Variants in NLRP5 observed in about 807,000 individuals in gnomAD.
NLRP5 encodes NACHT, LRR and PYD domains-containing protein 5.
NLRP5 carries 93 observed loss-of-function variants against 113.1 expected under a neutral mutation model. That is an observed-to-expected ratio of 0.82 (90% CI 0.70 to 0.98). The LOEUF is 0.98. Among genes scored for constraint, NLRP5 ranks in the 50% least tolerant of loss-of-function variants. The probability of loss-of-function intolerance (pLI) is 0.00; values close to 1 mark genes in which losing one functional copy is unlikely to be tolerated. For missense variants in NLRP5, 1,808 were observed against 1,514.3 expected (o/e 1.19, Z -3.22); for synonymous variants, 751 against 600.7 (o/e 1.25, Z -3.66).
chr19:56,031,366 C>T (rs556870191), intron 7 of NLRP5, among the ~76,000 whole-genome samples: 1 of 152,212 alleles, frequency 6.6e-6, no homozygotes, highest in South Asian at 2.1e-4. Flanking sequence ...TGGTGGCTCA[C>T]GCCTGTCATC....
upstream of NLRP5, among the ~76,000 whole-genome samples, chr19:55,998,682 A>ATATATATATATATATATGTGTGTG (rs1981435471): frequency 4.8e-5 from 4 of 83,656 alleles, no homozygotes; most frequent in African/African-American, 2.5e-4. Context: ...GTATATATAT[A>ATATATATATATATATATGTGTGTG]TATATATATA....
intron 3 of NLRP5, among the ~76,000 whole-genome samples, chr19:56,012,471 T>C (rs1344388106): frequency 1.4e-5 from 2 of 142,540 alleles, no homozygotes; most frequent in Admixed American, 7.2e-5. Flanking sequence ...TTTTTCCGGA[T>C]AACTCGATGC....
chr19:56,049,806 A>T (rs1044725170), intron 11 of NLRP5, among the ~76,000 whole-genome samples: 2 of 152,024 alleles, frequency 1.3e-5, no homozygotes, highest in African/African-American at 4.8e-5. Context: ...TCCCTCTCTG[A>T]TTAGCTTAAT....
chr19:56,013,595 G>GTTTTTTTTTTTTTTTTT (rs1418924718), intron 3 of NLRP5, among the ~76,000 whole-genome samples: 19 of 30,986 alleles, frequency 6.1e-4, no homozygotes, highest in Non-Finnish European at 9.7e-4. Context: ...TGGACATTTG[G>GTTTTTTTTTTTTTTTTT]GTTTTTTTTT....
chr19:56,020,150 C>T (rs1982561983), intron 5 of NLRP5, among the ~76,000 whole-genome samples: 1 of 151,886 alleles, frequency 6.6e-6, no homozygotes, highest in Non-Finnish European at 1.5e-5. Flanking sequence ...ATTTTAATAA[C>T]TTGTGCAAGT....
chr19:56,026,746 AT>A (rs1399693059), intron 6 of NLRP5, among the ~76,000 whole-genome samples, 166 bp from the exon 7 acceptor site: 1 of 151,288 alleles, frequency 6.6e-6, no homozygotes, highest in African/African-American at 2.4e-5. Flanking sequence ...TGACTAGCTA[AT>A]TTTTGTATTT....
intron 11 of NLRP5, among the ~76,000 whole-genome samples, chr19:56,042,372 T>A (rs1983552576): frequency 6.6e-6 from 1 of 152,072 alleles, no homozygotes; most frequent in African/African-American, 2.4e-5. Context: ...TTGAGACAGT[T>A]TGGCTCTGTC....
rs752560793 is a variant in NLRP5, at chr19:56,027,831, G to T, written c.1598G>T (p.Arg533Leu). The T allele has an allele frequency of 1.2e-6, 2 of 1,613,954 alleles. No homozygotes were observed. The highest frequency in any genetic ancestry group is 1.1e-5 in the South Asian group (1 of 91,062). ...AGAGTTGTCCTGAAGCGCTTCTGCC[G>T]TATGGCTGTGGAGGGAGTGTGGAAT... Residue 533 changes from arginine to leucine, a missense_variant, in exon 7 of 15, where the codon CGT (arginine) becomes CTT (leucine). Transcript: ENST00000390649.
chr19:56,015,688 T>G, intron 3 of NLRP5, 54 bp from the exon 4 acceptor site: 1 of 1,414,080 alleles, frequency 7.1e-7, no homozygotes, highest in East Asian at 2.5e-5. Context: ...CATCTCTGAT[T>G]TGAATAATAT....
At chr19:56,016,440 A>G (rs899854375) in intron 4 of NLRP5, among the ~76,000 whole-genome samples, 4 of 152,166 alleles carry the variant, frequency 2.6e-5, no homozygotes, top group African/African-American at 7.2e-5. Context: ...AGCTTGAGCC[A>G]CCACACCCAG....
rs773358667 is a variant in NLRP5, at chr19:56,061,441, G to A, written c.3516G>A (p.Glu1172=). ...CTGTGCAAATAAGGAAGCTGCTGGA[G>A]GAAGTGCAGCTACTCAAGCCCCGAG... The change falls in exon 15 of 15, where the codon GAG becomes GAA. Residue 1172 remains glutamate (E), a synonymous_variant. Coordinates refer to ENST00000390649, the MANE Select transcript of NLRP5 (RefSeq NM_153447.4). 7 of 1,613,910 alleles carry A rather than the reference G, an allele frequency of 4.3e-6. No homozygotes were observed. The South Asian group carries it at 7.7e-5, about 18-fold the overall frequency.
Position 56,025,350 on chromosome 19 carries a change from A to G in NLRP5, c.680-1563A>G, listed in dbSNP as rs1183125838. Among the ~76,000 whole-genome samples, 13 of 150,652 alleles carry G rather than the reference A, an allele frequency of 8.6e-5. No homozygotes were observed. The East Asian group carries it at 2.3e-3, about 27-fold the overall frequency. On this transcript the variant is annotated intron_variant, in intron 6 of 14. Coordinates refer to ENST00000390649, the MANE Select transcript of NLRP5 (RefSeq NM_153447.4). ...TGCTCTACCGTAGAGCTTGGGTTCC[A>G]GGCGGGATCTGTTTGACCTCAAGGA...
intron 1 of NLRP5, 162 bp from the exon 2 acceptor site, chr19:56,003,574 A>C: frequency 1.2e-6 from 1 of 813,262 alleles, no homozygotes; most frequent in South Asian, 1.8e-5. Context: ...CCCAGCACTG[A>C]TGTCTAGTAA....
intron 3 of NLRP5, among the ~76,000 whole-genome samples, chr19:56,014,689 C>A (rs1982339112): frequency 6.6e-6 from 1 of 152,118 alleles, no homozygotes; most frequent in South Asian, 2.1e-4. Context: ...AAACACTATT[C>A]TTTATCATTG....
rs571902608 is a variant in NLRP5, at chr19:56,058,456, T to C, written c.3470+46T>C. Reference sequence around the variant, plus strand: ...TTCTGAGATACAGACCTGCTTCTGTTCCAGGCTTGTTAGCTGGTGGAGAAG... The same window carrying C: ...TTCTGAGATACAGACCTGCTTCTGTCCCAGGCTTGTTAGCTGGTGGAGAAG... On this transcript the variant is annotated intron_variant, in intron 14 of 14. Coordinates refer to ENST00000390649, the MANE Select transcript of NLRP5 (RefSeq NM_153447.4). 3.2e-4 allele frequency: 482 copies of C among 1,529,354 alleles called. 2 individuals are homozygous for C. The highest frequency in any genetic ancestry group is 1.2e-3 in the Admixed American group (60 of 49,636). The allele number at this position is 1,529,354 out of a possible 1,614,324, so 94.7% of individuals were successfully genotyped here.
intron 6 of NLRP5, among the ~76,000 whole-genome samples, chr19:56,025,050 G>GCTT (rs56245317): frequency 0.89 from 135,455 of 151,780 alleles, 60,580 homozygotes; most frequent in Non-Finnish European, 0.91. Context: ...TGGGTTGCGT[G>GCTT]CTTATGAGAA....
chr19:56,028,300 C>T lies in NLRP5; in HGVS notation c.2067C>T (p.His689=). 6.2e-7 allele frequency: 1 copy of T among 1,614,010 alleles called. No individual in the cohort carries two copies. The highest frequency in any genetic ancestry group is 8.5e-7 in the Non-Finnish European group (1 of 1,179,884). The change falls in exon 7 of 15, where the codon CAC becomes CAT. Residue 689 remains histidine, a synonymous_variant. Transcript: ENST00000390649. Reference sequence around the variant, plus strand: ...CAGGAGACACCCTGGACGCCTTCCACTGTCTTTTCGAGACTCAAGACAAAG... The same window carrying T: ...CAGGAGACACCCTGGACGCCTTCCATTGTCTTTTCGAGACTCAAGACAAAG...
rs187087702 is a variant in NLRP5, at chr19:56,053,806, C to T, written c.3297C>T (p.Leu1099=). Residue 1099 remains leucine, a splice_region_variant and synonymous_variant, in exon 13 of 15, where the codon CTC becomes CTT. Transcript: ENST00000390649. Reference sequence around the variant, plus strand: ...AAAAGAACAGTGTTCTGGCGAGACTCGGGTAACTTCCTGGGGCGCCTCTTT... The same window carrying T: ...AAAAGAACAGTGTTCTGGCGAGACTTGGGTAACTTCCTGGGGCGCCTCTTT... 2.6e-5 allele frequency: 42 copies of T among 1,612,604 alleles called. No homozygotes were observed. Among genetic ancestry groups the T allele is most frequent in the African/African-American group, 2.4e-4 (18 of 75,002 alleles).
At chr19:56,003,596 G>C in intron 1 of NLRP5, 140 bp from the exon 2 acceptor site, 1 of 995,886 alleles carries the variant, frequency 1.0e-6, no homozygotes, top group Non-Finnish European at 1.5e-6. Context: ...AGGATAAACA[G>C]ATATTGTGGC....
Sources: gnomAD v4.1 joint callset for allele counts (sites outside exome capture counted in the v4.1 genomes callset) on GRCh38, gnomAD v4.1.1 for gene constraint, MANE v1.5 for transcripts, NCBI Gene and HGNC (gene_info 2026-07-23, HGNC 2026-07-21) for gene names.